The following CHSY1 variants were observed in gnomAD, a reference collection of about 807,000 sequenced individuals.
CHSY1 encodes the protein chondroitin sulfate synthase 1.
Under a neutral mutation model 59.8 loss-of-function variants are expected in CHSY1, and 13 were observed. The ratio of observed to expected loss-of-function variants is 0.22; its 90% confidence interval spans 0.14 to 0.35. CHSY1 has a LOEUF of 0.35. Among genes scored for constraint, CHSY1 ranks in the 10% least tolerant of loss-of-function variants. The probability of loss-of-function intolerance (pLI) is 1.00; values close to 1 mark genes in which losing one functional copy is unlikely to be tolerated. For synonymous variants in CHSY1, 459 were observed against 401.2 expected (o/e 1.14, Z -1.72); for missense variants, 947 against 1,030.6 (o/e 0.92, Z 1.11).
intron 2 of CHSY1, among the ~76,000 whole-genome samples, chr15:101,200,333 T>C (rs929472507): frequency 6.6e-6 from 1 of 152,218 alleles, no homozygotes; most frequent in Non-Finnish European, 1.5e-5. Context: ...GCATTTCACA[T>C]GACGGGTAAA....
intron 1 of CHSY1, among the ~76,000 whole-genome samples, chr15:101,248,166 A>AGTCAAGCT (rs1487922808): frequency 6.6e-6 from 1 of 152,222 alleles, no homozygotes; most frequent in Non-Finnish European, 1.5e-5. Context: ...GTGCTAGAAG[A>AGTCAAGCT]GTCAAGCTTA....
chr15:101,185,699 CTT>C (rs10556870), intron 2 of CHSY1, among the ~76,000 whole-genome samples: 26,879 of 121,278 alleles, frequency 0.22, 2,933 homozygotes, highest in Middle Eastern at 0.31. Flanking sequence ...CTCGAAATAT[CTT>C]TTTTTTTTTT....
chr15:101,201,993 G>A (rs564110493), intron 2 of CHSY1, among the ~76,000 whole-genome samples: 3 of 152,354 alleles, frequency 2.0e-5, no homozygotes, highest in East Asian at 1.9e-4. Context: ...GCTTTCAATC[G>A]GGGCTAAATT....
chr15:101,181,953 T>G (rs960335653), intron 2 of CHSY1, among the ~76,000 whole-genome samples: 1 of 152,062 alleles, frequency 6.6e-6, no homozygotes, highest in African/African-American at 2.4e-5. Context: ...ATTCTTACAA[T>G]AAAGGAAGCT....
intron 2 of CHSY1, among the ~76,000 whole-genome samples, chr15:101,230,114 G>C (rs1254300056): frequency 1.3e-5 from 2 of 151,832 alleles, no homozygotes; most frequent in Admixed American, 1.3e-4. Flanking sequence ...GCTAATTTTT[G>C]TATTTTTAGT....
intron 2 of CHSY1, among the ~76,000 whole-genome samples, 169 bp downstream of exon 2, chr15:101,234,913 T>A (rs1426084687): frequency 7.0e-6 from 1 of 142,610 alleles, no homozygotes; most frequent in Non-Finnish European, 1.5e-5. Context: ...CAAGAAAAGG[T>A]AATAAAGGGG....
intron 1 of CHSY1, chr15:101,242,621 CTG>C (rs1596455663): frequency 6.6e-6 from 1 of 152,354 alleles, no homozygotes; most frequent in East Asian, 1.9e-4. Context: ...CCACTCTATG[CTG>C]CCAGCCAGAG....
intron 2 of CHSY1, among the ~76,000 whole-genome samples, chr15:101,231,415 C>T (rs993985157): frequency 6.6e-6 from 1 of 152,184 alleles, no homozygotes. Context: ...ATGGCTAATT[C>T]ACAGCGGAAG....
rs1596433930 is a variant in CHSY1, at chr15:101,193,163, C to G, written c.817-14183G>C. 2.0e-5 allele frequency among the ~76,000 whole-genome samples: 3 copies of G among 150,736 alleles called. No homozygotes were observed. The Middle Eastern group carries it at 0.01, about 513-fold the overall frequency. The stretch of plus-strand genomic sequence containing the variant: ...GCAAAGCCGAGGTTGGCTCTCAGCT[C>G]TCTCTCGGGCTGGTTCTTGACAAGA... On this transcript the variant is annotated intron_variant, in intron 2 of 2. Coordinates refer to ENST00000254190, the MANE Select transcript of CHSY1 (RefSeq NM_014918.5).
chr15:101,196,229 CAAA>C (rs533785067), intron 2 of CHSY1, among the ~76,000 whole-genome samples: 4 of 81,056 alleles, frequency 4.9e-5, no homozygotes, highest in African/African-American at 1.0e-4. Context: ...GAAGCAGTCT[CAAA>C]AAAAAAAAAA....
chr15:101,216,503 C>T (rs559612477), intron 2 of CHSY1, among the ~76,000 whole-genome samples: 5 of 152,250 alleles, frequency 3.3e-5, no homozygotes, highest in Admixed American at 1.3e-4. Context: ...AGTGGGTGAA[C>T]AGATATGGTA....
intron 2 of CHSY1, among the ~76,000 whole-genome samples, chr15:101,179,663 C>A (rs1268917260): frequency 6.6e-6 from 1 of 152,222 alleles, no homozygotes. Flanking sequence ...CAGGAGCGGG[C>A]CTGCTTGCTC....
intron 1 of CHSY1, among the ~76,000 whole-genome samples, chr15:101,237,055 TA>T (rs35949707): frequency 0.32 from 45,112 of 142,316 alleles, 9,468 homozygotes; most frequent in African/African-American, 0.61. Flanking sequence ...CCATCTCTAC[TA>T]AAAAAAAAAA....
rs2039107278 is a variant in CHSY1, at chr15:101,251,224, T to C, written c.233A>G (p.Asp78Gly). 6.3e-7 allele frequency: 1 copy of C among 1,589,284 alleles called. No homozygotes were observed. The highest frequency in any genetic ancestry group is 8.5e-7 in the Non-Finnish European group (1 of 1,172,392). ...AAAGTTCCTGTCGCGCGGGCCGCCA[T>C]CTGGGTCCGAGCCGGGCGGCCAGAG... ...AQLWPPGSDP[D>G]GGPRDRNFLF... is the part of the protein sequence containing the mutation. Residue 78 changes from aspartate to glycine, a missense_variant, in exon 1 of 3, where the codon GAT becomes GGT. Asp to Gly is a moderately conservative substitution (Grantham distance 94). Around this residue, in one of 4 missense-constraint regions of CHSY1, gnomAD observed 232 missense variants for 188.5 expected, o/e 1.23. Coordinates refer to ENST00000254190, the MANE Select transcript of CHSY1 (RefSeq NM_014918.5).
chr15:101,230,580 T>C (rs1163269527), intron 2 of CHSY1, among the ~76,000 whole-genome samples: 2 of 152,210 alleles, frequency 1.3e-5, no homozygotes, highest in African/African-American at 2.4e-5. Context: ...TTATTTCTTC[T>C]ATTATTAAAG....
At chr15:101,222,632 C>T (rs1469702486) in intron 2 of CHSY1, among the ~76,000 whole-genome samples, 2 of 152,220 alleles carry the variant, frequency 1.3e-5, no homozygotes, top group African/African-American at 2.4e-5. Context: ...TCTTTCCTTG[C>T]TTTTCCTGAC....
intron 2 of CHSY1, among the ~76,000 whole-genome samples, chr15:101,181,327 A>G (rs79439529): frequency 0.018 from 2,790 of 152,322 alleles, 38 homozygotes; most frequent in East Asian, 0.097. Flanking sequence ...CAGAGATTCT[A>G]CATGTATTTG....
rs758585689 is a variant in CHSY1 at position 101,178,122 on chromosome 15, G to C, written c.1675C>G (p.Leu559Val). The C allele has an allele frequency of 2.1e-5, 34 of 1,614,064 alleles. No homozygotes were observed. Among genetic ancestry groups the C allele is most frequent in the Admixed American group, 1.2e-4 (7 of 60,006 alleles). The stretch of plus-strand genomic sequence containing the variant: ...AGCTTGACGTTCTGATTGGGGATAA[G>C]ACACGTCTTCTCAAAGTTTCCCATA... The part of the protein sequence containing the change: ...RFMGNFEKTC[L>V]IPNQNVKLVV... Residue 559 changes from leucine to valine, a missense_variant, in exon 3 of 3, where the codon CTT becomes GTT. Physicochemically the swap from Leu to Val is conservative, Grantham distance 32. Transcript: ENST00000254190.
intron 2 of CHSY1, among the ~76,000 whole-genome samples, chr15:101,217,693 G>A (rs77341834): frequency 0.023 from 3,545 of 152,188 alleles, 96 homozygotes; most frequent in African/African-American, 0.062. Flanking sequence ...AAATAAAAGC[G>A]TATATAATCC....
Sources: gnomAD v4.1 joint callset for allele counts (sites outside exome capture counted in the v4.1 genomes callset) on GRCh38, gnomAD v4.1.1 for gene constraint, gnomAD v4.1.1 regional missense constraint, MANE v1.5 for transcripts, NCBI Gene and HGNC (gene_info 2026-07-23, HGNC 2026-07-21) for gene names.